EML1: variants seen among roughly 807,000 people sequenced by gnomAD.
The protein encoded by EML1 is echinoderm microtubule-associated protein-like 1.
EML1 carries 27 observed loss-of-function variants against 110.4 expected under a neutral mutation model. That is an observed-to-expected ratio of 0.24 (90% CI 0.18 to 0.34). The LOEUF is 0.34. Ranked by LOEUF, EML1 falls within the 10% of genes least tolerant of loss-of-function variation. The pLI is 1.00. For missense variants in EML1, 741 were observed against 1,030.9 expected (o/e 0.72, Z 3.85); for synonymous variants, 344 against 385.8 (o/e 0.89, Z 1.27).
At chr14:99,749,178 G>T (rs1278178284) in intron 1 of EML1, among the ~76,000 whole-genome samples, 1 of 152,184 alleles carries the variant, frequency 6.6e-6, no homozygotes, top group Non-Finnish European at 1.5e-5. Flanking sequence ...TGCACACCGG[G>T]AAGCGGGATC....
At chr14:99,770,905 C>T (rs2057421211), upstream of EML1, among the ~76,000 whole-genome samples, 1 of 151,246 alleles carries the variant, frequency 6.6e-6, no homozygotes, top group African/African-American at 2.4e-5. Context: ...CTGCCTCAGC[C>T]TCCCGAGTAG....
intron 6 of EML1, among the ~76,000 whole-genome samples, chr14:99,895,673 A>T (rs1365019376): frequency 4.6e-5 from 7 of 152,094 alleles, no homozygotes; most frequent in African/African-American, 1.7e-4. Context: ...TGAAGGGATG[A>T]TAGAAAAATA....
Position 99,886,668 on chromosome 14 carries a change from C to G in EML1, c.519-4531C>G, listed in dbSNP as rs537592642. On this transcript the variant is annotated intron_variant, in intron 4 of 21. Coordinates refer to ENST00000262233, the MANE Select transcript of EML1 (RefSeq NM_004434.3). ...TAGTTCCACTCTGATCCTAGTTGCC[C>G]AGGACTTCTTACACATGTCACCACG... 3.9e-5 allele frequency among the ~76,000 whole-genome samples: 6 copies of G among 152,288 alleles called. No individual in the cohort carries two copies. In the South Asian group the frequency reaches 1.2e-3, roughly 32 times the overall value.
chr14:99,922,319 T>C (rs917689483), intron 17 of EML1, among the ~76,000 whole-genome samples: 25 of 152,168 alleles, frequency 1.6e-4, no homozygotes, highest in Admixed American at 1.4e-3. Context: ...TTTCGCCATA[T>C]TGGCCAGGCT....
upstream of EML1, among the ~76,000 whole-genome samples, chr14:99,792,227 A>G (rs2057683426): frequency 6.6e-6 from 1 of 152,186 alleles, no homozygotes; most frequent in East Asian, 1.9e-4. Context: ...GAGTTTTCCT[A>G]ATTTTAACTT....
At chr14:99,756,435 C>T (rs2057255775) in intron 1 of EML1, among the ~76,000 whole-genome samples, 1 of 152,224 alleles carries the variant, frequency 6.6e-6, no homozygotes, top group Non-Finnish European at 1.5e-5. Flanking sequence ...CAGGCAAAGG[C>T]CGCGGGAGGC....
chr14:99,939,174 CCT>C lies in EML1; in HGVS notation c.2192-22_2192-21del. 1 of 1,613,180 alleles carries C rather than the reference CCT, an allele frequency of 6.2e-7. No individual in the cohort carries two copies. The highest frequency in any genetic ancestry group is 8.5e-7 in the Non-Finnish European group (1 of 1,179,426). On this transcript the variant is annotated intron_variant, in intron 20 of 21. Coordinates refer to ENST00000262233, the MANE Select transcript of EML1 (RefSeq NM_004434.3). The surrounding 1 kb of genome is among the most constrained non-coding windows in gnomAD (Gnocchi z 4.2). ...CTGTGGCCCCTGGTGTTTCCAGCGCCCTGTTTGTGGTCTTTGTTTTAGGAGTG... is the reference window on the plus strand; with the variant it reads ...CTGTGGCCCCTGGTGTTTCCAGCGCCGTTTGTGGTCTTTGTTTTAGGAGTG...
intron 2 of EML1, among the ~76,000 whole-genome samples, chr14:99,851,465 G>A (rs532556984): frequency 3.9e-5 from 6 of 152,132 alleles, no homozygotes; most frequent in East Asian, 3.9e-4. Context: ...CCGCCACCAC[G>A]CCCGGCTTAT....
chr14:99,788,472 G>A (rs1363281560), upstream of EML1, among the ~76,000 whole-genome samples: 1 of 152,158 alleles, frequency 6.6e-6, no homozygotes, highest in Non-Finnish European at 1.5e-5. Flanking sequence ...AGCCAGGCAT[G>A]GTGGTGTGTG....
At chr14:99,738,964 C>A (rs2057003156) in intron 1 of EML1, among the ~76,000 whole-genome samples, 1 of 152,092 alleles carries the variant, frequency 6.6e-6, no homozygotes, top group South Asian at 2.1e-4. Flanking sequence ...TGGGGCAGAT[C>A]GTGGGTGACA....
chr14:99,847,866 A>C (rs1469923126), intron 1 of EML1, among the ~76,000 whole-genome samples: 1 of 151,634 alleles, frequency 6.6e-6, no homozygotes, highest in Non-Finnish European at 1.5e-5. Context: ...TTCCATTCAT[A>C]TACTTTCAAT....
intron 1 of EML1, among the ~76,000 whole-genome samples, chr14:99,756,433 G>T (rs2057255689): frequency 6.6e-6 from 1 of 152,228 alleles, no homozygotes; most frequent in African/African-American, 2.4e-5. Flanking sequence ...CCCAGGCAAA[G>T]GCCGCGGGAG....
chr14:99,780,449 C>T (rs1884695160), intron 1 of EML1, among the ~76,000 whole-genome samples: 1 of 152,124 alleles, frequency 6.6e-6, no homozygotes, highest in African/African-American at 2.4e-5. Context: ...ACTGTACCTC[C>T]CCTTTTCCTA....
Position 99,760,416 on chromosome 14 carries a change from C to T in EML1, c.28+22556C>T, listed in dbSNP as rs140517442. Among the ~76,000 whole-genome samples the T allele has an allele frequency of 8.8e-3, 1,342 of 152,276 alleles. 11 individuals are homozygous for T. Among genetic ancestry groups the T allele is most frequent in the Non-Finnish European group, 0.013 (894 of 68,028 alleles). On this transcript the variant is annotated intron_variant, in intron 1 of 10. Transcript: ENST00000554479. ...CATTGCTGCATGATCTCCGTAATGA[C>T]CATTTTAACAACTGCGGAACATGGA...
intron 1 of EML1, among the ~76,000 whole-genome samples, chr14:99,844,292 C>A (rs2058674828): frequency 6.6e-6 from 1 of 151,998 alleles, no homozygotes; most frequent in Admixed American, 6.6e-5. Flanking sequence ...CAACCTGGCC[C>A]ACATAGCGAA....
At chr14:99,805,043 A>T (rs559239045) in intron 1 of EML1, among the ~76,000 whole-genome samples, 2 of 151,686 alleles carry the variant, frequency 1.3e-5, no homozygotes, top group Admixed American at 6.6e-5. Context: ...GTCCCTTCCT[A>T]CCCCTTCTTC....
At chr14:99,898,132 A>G (rs1056261508) in intron 7 of EML1, 101 bp from the exon 8 acceptor site, 2 of 941,110 alleles carry the variant, frequency 2.1e-6, no homozygotes, top group African/African-American at 3.3e-5. Flanking sequence ...TAGGCATTAT[A>G]TATTTCTTAT....
At chr14:99,926,255 C>G (rs1414041516) in intron 17 of EML1, among the ~76,000 whole-genome samples, 2 of 151,012 alleles carry the variant, frequency 1.3e-5, no homozygotes, top group Non-Finnish European at 2.9e-5. Context: ...GCTAGAAGAA[C>G]TGCCCTCTTA....
Position 99,818,605 on chromosome 14 carries a change from C to T in EML1, c.67+25062C>T, listed in dbSNP as rs77650140. Among the ~76,000 whole-genome samples, 339 of 152,262 alleles carry T rather than the reference C, an allele frequency of 2.2e-3. 2 individuals carry two copies. The highest frequency in any genetic ancestry group is 7.7e-3 in the African/African-American group (321 of 41,536). On this transcript the variant is annotated intron_variant, in intron 1 of 21. Transcript: ENST00000262233. The stretch of plus-strand genomic sequence containing the variant: ...ATCATATTCACACACACGTGTGCAT[C>T]ACTCTATCTTCAGGCAGAAGTGTCC...
Sources: gnomAD v4.1 joint callset for allele counts (sites outside exome capture counted in the v4.1 genomes callset) on GRCh38, gnomAD v4.1.1 for gene constraint, Gnocchi (gnomAD v3.1) non-coding constraint, MANE v1.5 for transcripts, NCBI Gene and HGNC (gene_info 2026-07-23, HGNC 2026-07-21) for gene names.